Variants in ROBO2 observed in about 807,000 individuals in gnomAD.
ROBO2 encodes roundabout homolog 2.
Under a neutral mutation model 160.8 loss-of-function variants are expected in ROBO2, and 53 were observed. The ratio of observed to expected loss-of-function variants is 0.33; its 90% CI spans 0.26 to 0.41. The LOEUF is 0.41. Ranked by LOEUF, ROBO2 falls within the 10% of genes least tolerant of loss-of-function variation. The probability of loss-of-function intolerance (pLI) is 1.00; values close to 1 mark genes in which losing one functional copy is unlikely to be tolerated. For missense variants in ROBO2, 1,577 were observed against 1,722.4 expected, an observed-to-expected ratio of 0.92 and a Z score of 1.49; for synonymous variants, 664 against 611.7, an observed-to-expected ratio of 1.09 and a Z score of -1.26.
intron 2 of ROBO2, among the ~76,000 whole-genome samples, chr3:76,877,248 C>T (rs2148717956): frequency 6.6e-6 from 1 of 152,236 alleles, no homozygotes; most frequent in Admixed American, 6.5e-5. Flanking sequence ...TAAGGTTTTT[C>T]TTAGAAGTGC....
At chr3:77,313,380 C>T (rs907809130) in intron 2 of ROBO2, among the ~76,000 whole-genome samples, 16 of 152,046 alleles carry the variant, frequency 1.1e-4, no homozygotes, top group East Asian at 1.9e-4. Context: ...GGGAATATTC[C>T]GTATGGTCCT....
In ROBO2 at chr3:76,498,938, C is replaced by T. The variant is rs145591327; in HGVS notation, c.109+561336C>T. Among the ~76,000 whole-genome samples, 130 of 152,300 alleles carry T rather than the reference C, an allele frequency of 8.5e-4. 2 individuals are homozygous for T. The East Asian group carries it at 0.024, about 28-fold the overall frequency. On this transcript the variant is annotated intron_variant, in intron 2 of 26. Transcript: ENST00000487694. ...TCCTGACCTCATGATCCACCCTCCT[C>T]AGCCTCCCAAAGTGCTGGGATTACA... is the stretch of plus-strand genomic sequence containing the variant.
chr3:76,062,145 G>A (rs1168242376), intron 2 of ROBO2, among the ~76,000 whole-genome samples: 9 of 152,060 alleles, frequency 5.9e-5, no homozygotes, highest in African/African-American at 9.7e-5. Context: ...ATTAGAATGC[G>A]GACATTCTTG....
intron 15 of ROBO2, 122 bp from the exon 17 acceptor site, chr3:77,579,825 A>C (rs572288397): frequency 1.1e-6 from 1 of 913,920 alleles, no homozygotes; most frequent in East Asian, 2.6e-5. Flanking sequence ...TCATTTGCAA[A>C]ACTTCTATAA....
At chr3:77,141,052 T>G (rs1049527153) in intron 2 of ROBO2, among the ~76,000 whole-genome samples, 1 of 152,166 alleles carries the variant, frequency 6.6e-6, no homozygotes, top group African/African-American at 2.4e-5. Context: ...AACATTACTT[T>G]CCAAGAAAGT....
chr3:77,292,322 G>C (rs1373407709), intron 2 of ROBO2, among the ~76,000 whole-genome samples: 3 of 151,382 alleles, frequency 2.0e-5, no homozygotes, highest in South Asian at 4.2e-4. Flanking sequence ...ATAGGAAGTT[G>C]AGGCTGGAAC....
intron 2 of ROBO2, among the ~76,000 whole-genome samples, chr3:76,743,349 GT>G: frequency 6.6e-6 from 1 of 152,136 alleles, no homozygotes; most frequent in South Asian, 2.1e-4. Context: ...TCAAGACTGA[GT>G]TACCTATGTT....
intron 2 of ROBO2, among the ~76,000 whole-genome samples, chr3:76,341,419 T>TAAAAAAAA (rs71277587): frequency 1.4e-4 from 6 of 44,224 alleles, no homozygotes; most frequent in Non-Finnish European, 2.3e-4. Context: ...TTTTAAAGCG[T>TAAAAAAAA]AAAAAAAAAA....
At chr3:76,952,767 A>G (rs994892533) in intron 2 of ROBO2, among the ~76,000 whole-genome samples, 2 of 152,066 alleles carry the variant, frequency 1.3e-5, no homozygotes, top group Non-Finnish European at 2.9e-5. Flanking sequence ...CATACACTAT[A>G]TTTGTTTTTC....
intron 2 of ROBO2, among the ~76,000 whole-genome samples, chr3:76,480,351 G>A (rs935498240): frequency 6.6e-6 from 1 of 152,076 alleles, no homozygotes; most frequent in African/African-American, 2.4e-5. Flanking sequence ...CTGGTTGAAT[G>A]AGCTCTGGGT....
intron 2 of ROBO2, among the ~76,000 whole-genome samples, chr3:77,129,818 A>G (rs969810224): frequency 5.9e-5 from 9 of 152,074 alleles, no homozygotes; most frequent in African/African-American, 2.2e-4. Context: ...GCAGACCACC[A>G]AAGAGTGACC....
chr3:77,551,424 T>C (rs1489281643), intron 8 of ROBO2, among the ~76,000 whole-genome samples: 1 of 152,072 alleles, frequency 6.6e-6, no homozygotes, highest in Admixed American at 6.6e-5. Context: ...ATTCCTATGA[T>C]TTTAATTATG....
At chr3:76,634,429 G>A (rs13098047) in intron 2 of ROBO2, among the ~76,000 whole-genome samples, 27,136 of 152,024 alleles carry the variant, frequency 0.18, 2,599 homozygotes, top group Non-Finnish European at 0.22. Flanking sequence ...TTAGCCAGGT[G>A]TGGTGGCGTG....
At chr3:76,402,514 G>A (rs552173201) in intron 2 of ROBO2, among the ~76,000 whole-genome samples, 1 of 151,534 alleles carries the variant, frequency 6.6e-6, no homozygotes, top group African/African-American at 2.4e-5. Context: ...TTATCTCATA[G>A]TTCTGCAGGT....
intron 2 of ROBO2, among the ~76,000 whole-genome samples, chr3:76,392,319 T>G (rs2077194026): frequency 2.0e-5 from 3 of 152,160 alleles, no homozygotes; most frequent in Non-Finnish European, 4.4e-5. Context: ...CAGCCCTGCA[T>G]GGTTTAGAAC....
intron 1 of ROBO2, among the ~76,000 whole-genome samples, chr3:75,909,539 G>C (rs1291613425): frequency 6.6e-6 from 1 of 152,180 alleles, no homozygotes; most frequent in Non-Finnish European, 1.5e-5. Flanking sequence ...AGGTATTCTG[G>C]AAGGAGTCAA....
chr3:77,012,515 C>T (rs762829456), intron 2 of ROBO2, among the ~76,000 whole-genome samples: 3 of 152,100 alleles, frequency 2.0e-5, no homozygotes, highest in Non-Finnish European at 4.4e-5. Flanking sequence ...TTTGTTGTGA[C>T]TTTAAGAGTC....
chr3:76,798,783 C>T (rs988524325), intron 2 of ROBO2, among the ~76,000 whole-genome samples: 17 of 152,202 alleles, frequency 1.1e-4, no homozygotes, highest in African/African-American at 3.1e-4. Context: ...GTCCCAGCTA[C>T]TCAGCAGGCT....
At chr3:76,261,441 T>TG (rs936405064) in intron 2 of ROBO2, among the ~76,000 whole-genome samples, 3 of 151,886 alleles carry the variant, frequency 2.0e-5, no homozygotes, top group African/African-American at 4.8e-5. Flanking sequence ...GCCATTTTTT[T>TG]GGGGGGGAAC....
Sources: allele counts gnomAD v4.1 joint callset (sites outside exome capture counted in the v4.1 genomes callset), GRCh38; gene constraint gnomAD v4.1.1; transcripts MANE v1.5; gene names NCBI Gene and HGNC (gene_info 2026-07-23, HGNC 2026-07-21).